Variants in NEBL observed in about 807,000 individuals in gnomAD.
NEBL encodes the protein nebulette, also known as LIM and SH3 protein 2.
NEBL carries 122 observed loss-of-function variants against 140.2 expected under a neutral mutation model. That is an observed-to-expected ratio of 0.87 (90% confidence interval 0.75 to 1.01). The LOEUF (loss-of-function observed/expected upper bound fraction) is 1.01. Among genes scored for constraint, NEBL ranks in the 50% least tolerant of loss-of-function variants. The pLI is 0.00. For missense variants in NEBL, 1,365 were observed against 1,231.3 expected (o/e 1.11, Z -1.62); for synonymous variants, 436 against 398.9 (o/e 1.09, Z -1.11).
At chr10:20,816,300 C>A (rs1408190121) in intron 21 of NEBL, among the ~76,000 whole-genome samples, 3 of 152,142 alleles carry the variant, frequency 2.0e-5, no homozygotes, top group Non-Finnish European at 4.4e-5. Flanking sequence ...GAATAAATGT[C>A]TTCATGGAGA....
intron 3 of NEBL, among the ~76,000 whole-genome samples, chr10:21,018,632 C>G (rs571164992): frequency 6.6e-6 from 1 of 152,252 alleles, no homozygotes; most frequent in African/African-American, 2.4e-5. Context: ...GATCCCAAGT[C>G]CCCCAGAAAG....
chr10:21,199,351 A>T (rs948629367), intron 3 of NEBL, among the ~76,000 whole-genome samples: 4 of 152,168 alleles, frequency 2.6e-5, no homozygotes, highest in South Asian at 2.1e-4. Flanking sequence ...TTAATTTTTT[A>T]AAAAATCATT....
At chr10:21,227,613 C>T (rs999186305) in intron 3 of NEBL, among the ~76,000 whole-genome samples, 1 of 152,038 alleles carries the variant, frequency 6.6e-6, no homozygotes, top group African/African-American at 2.4e-5. Context: ...TTTACTTTGC[C>T]AGGAAATATT....
At chr10:21,142,719 T>C (rs1283418961) in intron 2 of NEBL, among the ~76,000 whole-genome samples, 1 of 152,162 alleles carries the variant, frequency 6.6e-6, no homozygotes. Context: ...GCTACTGCCT[T>C]CTGAGATCAG....
At chr10:20,962,658 T>C (rs552672758) in intron 3 of NEBL, among the ~76,000 whole-genome samples, 5 of 152,376 alleles carry the variant, frequency 3.3e-5, no homozygotes, top group South Asian at 4.1e-4. Flanking sequence ...TGTTAATGAC[T>C]GAGATGGTTA....
chr10:21,200,454 C>T (rs1841716883), intron 3 of NEBL, among the ~76,000 whole-genome samples: 1 of 151,644 alleles, frequency 6.6e-6, no homozygotes, highest in African/African-American at 2.4e-5. Context: ...GCTGGGACTA[C>T]AGGTGCACAC....
At chr10:20,879,066 G>A (rs138971916) in intron 5 of NEBL, among the ~76,000 whole-genome samples, 211 of 152,220 alleles carry the variant, frequency 1.4e-3, no homozygotes, top group African/African-American at 4.4e-3. Context: ...CTGGAAACTC[G>A]GGATTTCTCT....
At chr10:21,188,051 C>A (rs1028301264) in intron 3 of NEBL, among the ~76,000 whole-genome samples, 1 of 152,116 alleles carries the variant, frequency 6.6e-6, no homozygotes, top group Non-Finnish European at 1.5e-5. Context: ...GGTTTTCCTA[C>A]CCCAATACCA....
chr10:21,110,715 CT>C, intron 2 of NEBL: 1 of 498,460 alleles, frequency 2.0e-6, no homozygotes, highest in Non-Finnish European at 4.0e-6. Context: ...CATGAGCCCC[CT>C]GAGGCCCCAG....
intron 2 of NEBL, among the ~76,000 whole-genome samples, chr10:21,060,022 C>A (rs1835203564): frequency 6.6e-6 from 1 of 152,118 alleles, no homozygotes; most frequent in Non-Finnish European, 1.5e-5. Context: ...TTGGGTTCTG[C>A]CAAATACAAA....
At position 21,015,242 on chromosome 10, in the gene NEBL, G is replaced by A. The variant is rs45507192; in HGVS notation, c.249+4875C>T. On this transcript the variant is annotated intron_variant, in intron 3 of 6. Transcript: ENST00000417816. ...GTGGGAAGATGAGGAGAGTCGGGGG[G>A]GTTTGGAGATGCCAGGGGCTTGCCC... Among the ~76,000 whole-genome samples the A allele has an allele frequency of 6.7e-3, 1,014 of 152,172 alleles. 13 individuals are homozygous for A. The highest frequency in any genetic ancestry group is 1.0e-2 in the Non-Finnish European group (677 of 67,992).
At chr10:21,227,705 TTCTTCTTTCTTCTTCTTCTTC>T (rs1472250905) in intron 3 of NEBL, among the ~76,000 whole-genome samples, 119 of 72,478 alleles carry the variant, frequency 1.6e-3, no homozygotes, top group African/African-American at 7.3e-3. Context: ...CTTCTTCTTC[TTCTTCTTTCTTCTTCTTCTTC>T]TTCTTCTTCT....
chr10:21,213,930 A>G (rs1841952284), intron 3 of NEBL, among the ~76,000 whole-genome samples: 1 of 152,178 alleles, frequency 6.6e-6, no homozygotes, highest in Non-Finnish European at 1.5e-5. Flanking sequence ...CTTAAAAGCA[A>G]TAAACTGTGT....
intron 2 of NEBL, among the ~76,000 whole-genome samples, chr10:21,127,059 A>G (rs1838874765): frequency 6.6e-6 from 1 of 151,928 alleles, no homozygotes; most frequent in Non-Finnish European, 1.5e-5. Context: ...CTGATTCAAT[A>G]CACTCAAACG....
chr10:20,794,556 A>C (rs1836319297), intron 26 of NEBL, among the ~76,000 whole-genome samples: 1 of 152,202 alleles, frequency 6.6e-6, no homozygotes, highest in African/African-American at 2.4e-5. Flanking sequence ...TTAAGTGTAC[A>C]GTTGTTTGAC....
chr10:20,803,983 A>G (rs1837380804), intron 26 of NEBL, among the ~76,000 whole-genome samples: 1 of 151,558 alleles, frequency 6.6e-6, no homozygotes, highest in South Asian at 2.1e-4. Context: ...AAATAATTAT[A>G]CTTATATATA....
intron 2 of NEBL, among the ~76,000 whole-genome samples, chr10:21,155,812 C>T (rs1404862333): frequency 5.3e-5 from 8 of 152,146 alleles, no homozygotes; most frequent in Non-Finnish European, 1.0e-4. Flanking sequence ...TTCGTGTTTC[C>T]ACTTATTGAG....
chr10:20,871,022 G>A (rs1052441497), intron 5 of NEBL, among the ~76,000 whole-genome samples: 3 of 152,166 alleles, frequency 2.0e-5, no homozygotes, highest in East Asian at 1.9e-4. Flanking sequence ...GGTTCTATTT[G>A]GCAATATCCC....
intron 3 of NEBL, among the ~76,000 whole-genome samples, chr10:20,966,913 T>C (rs549203657): frequency 7.9e-5 from 12 of 152,230 alleles, no homozygotes; most frequent in Non-Finnish European, 1.8e-4. Context: ...CAGAGACTGG[T>C]AAATTGTTGA....
Sources: allele counts gnomAD v4.1 joint callset (sites outside exome capture counted in the v4.1 genomes callset), GRCh38; gene constraint gnomAD v4.1.1; transcripts MANE v1.5; gene names NCBI Gene and HGNC (gene_info 2026-07-23, HGNC 2026-07-21).